Variants in ILDR1 observed in about 807,000 individuals in gnomAD.
ILDR1 encodes the protein immunoglobulin-like domain-containing receptor 1.
Under a neutral mutation model 62.4 loss-of-function variants are expected in ILDR1, and 56 were observed. The ratio of observed to expected loss-of-function variants is 0.90; its 90% CI spans 0.72 to 1.12. ILDR1 has a LOEUF of 1.12. ILDR1 is among the 50% of genes most tolerant of loss of function. The pLI, the probability that ILDR1 is intolerant of heterozygous loss-of-function variation, is 0.00. For missense variants in ILDR1, 736 were observed against 710.6 expected, an observed-to-expected ratio of 1.04 and a Z score of -0.41; for synonymous variants, 284 against 277.8, an observed-to-expected ratio of 1.02 and a Z score of -0.22.
At chr3:121,998,983 A>AC (rs11425254) in intron 5 of ILDR1, among the ~76,000 whole-genome samples, 76,639 of 151,896 alleles carry the variant, frequency 0.5, 19,891 homozygotes, top group East Asian at 0.78. Flanking sequence ...CATCTTTTAA[A>AC]AGAGATGACT....
At chr3:122,039,369 GAAAAAGATATTACACGTAGAGGA>G in the ILDR1 span, among the ~76,000 whole-genome samples, 1 of 151,786 alleles carries the variant, frequency 6.6e-6, no homozygotes, top group East Asian at 1.9e-4. Flanking sequence ...TAGCCAGAGA[GAAAAAGATATTACACGTAGAGGA>G]AAAAAGATAT....
At chr3:122,002,097 G>T (rs573712156) in intron 3 of ILDR1, among the ~76,000 whole-genome samples, 2 of 152,304 alleles carry the variant, frequency 1.3e-5, no homozygotes, top group South Asian at 4.1e-4. Context: ...CTATGAGTGT[G>T]CTAATGCACT....
chr3:122,040,766 A>G, the ILDR1 span, among the ~76,000 whole-genome samples: 1 of 151,580 alleles, frequency 6.6e-6, no homozygotes, highest in African/African-American at 2.4e-5. Context: ...TTAGCTCAAA[A>G]TGGGTCATAG....
chr3:122,004,871 C>T (rs1353368668), intron 3 of ILDR1, among the ~76,000 whole-genome samples: 2 of 151,994 alleles, frequency 1.3e-5, no homozygotes, highest in Admixed American at 1.3e-4. Context: ...CAGGAATAGC[C>T]GGAAGGAAAC....
chr3:122,043,202 G>T, the ILDR1 span, among the ~76,000 whole-genome samples: 12 of 144,426 alleles, frequency 8.3e-5, no homozygotes, highest in African/African-American at 2.1e-4. Context: ...TTTTTCTCAG[G>T]TTTGTCAAAG....
chr3:122,005,344 G>T lies in ILDR1; in HGVS notation c.279C>A (p.Asn93Lys). 6.2e-7 allele frequency: 1 copy of T among 1,614,128 alleles called. No homozygotes were observed. The highest frequency in any genetic ancestry group is 1.1e-5 in the South Asian group (1 of 91,082). ...CTATGCGAACTTCCCGCTGGTTGTCGTTGCAGTCATTGGATGGGTCCTGGC... is the reference window on the plus strand; with the variant it reads ...CTATGCGAACTTCCCGCTGGTTGTCTTTGCAGTCATTGGATGGGTCCTGGC... The part of the protein sequence containing the change: ...SLGQDPSNDC[N>K]DNQREVRIVA... Residue 93 changes from asparagine to lysine, a missense_variant, in exon 3 of 8, where the codon AAC (asparagine) becomes AAA (lysine). Coordinates refer to ENST00000344209, the MANE Select transcript of ILDR1 (RefSeq NM_001199799.2).
At chr3:122,049,514 C>A in the ILDR1 span, among the ~76,000 whole-genome samples, 1 of 152,094 alleles carries the variant, frequency 6.6e-6, no homozygotes, top group African/African-American at 2.4e-5. Context: ...TCTATTTCTC[C>A]CTTCAGTTCT....
At chr3:122,020,764 G>A (rs1487637503) in intron 1 of ILDR1, among the ~76,000 whole-genome samples, 2 of 152,206 alleles carry the variant, frequency 1.3e-5, no homozygotes, top group Admixed American at 6.5e-5. Flanking sequence ...ACAAATTGAG[G>A]TGAGGTTTAG....
intron 1 of ILDR1, among the ~76,000 whole-genome samples, chr3:122,015,209 T>A (rs748967184): frequency 6.6e-6 from 1 of 152,218 alleles, no homozygotes; most frequent in African/African-American, 2.4e-5. Flanking sequence ...AACAGACACA[T>A]GTATCCAAAT....
chr3:122,017,173 C>T (rs987687045), intron 1 of ILDR1, among the ~76,000 whole-genome samples: 15 of 152,246 alleles, frequency 9.9e-5, no homozygotes, highest in Admixed American at 3.9e-4. Flanking sequence ...CTCAGCCTCC[C>T]GAGTAGCTTG....
At chr3:122,024,147 G>T (rs972719335), upstream of ILDR1, among the ~76,000 whole-genome samples, 2 of 151,832 alleles carry the variant, frequency 1.3e-5, no homozygotes, top group East Asian at 1.9e-4. Flanking sequence ...TATGAAAAAA[G>T]GGCTCTATTA....
upstream of ILDR1, chr3:122,022,271 C>T (rs1409178164): frequency 6.4e-6 from 3 of 469,494 alleles, no homozygotes; most frequent in Non-Finnish European, 1.1e-5. Context: ...CTGCGGCGCT[C>T]CCCACGGCTC....
the ILDR1 span, among the ~76,000 whole-genome samples, chr3:122,054,800 C>A: frequency 1.3e-5 from 2 of 152,120 alleles, no homozygotes; most frequent in South Asian, 4.2e-4. Flanking sequence ...TATAATGCTG[C>A]CTTTTTTTCA....
chr3:122,008,504 C>A (rs150600718), intron 1 of ILDR1, among the ~76,000 whole-genome samples: 1 of 152,292 alleles, frequency 6.6e-6, no homozygotes, highest in Non-Finnish European at 1.5e-5. Context: ...TCACTGAACC[C>A]TATGCTAGGA....
chr3:121,990,950 C>T (rs996214729), intron 7 of ILDR1, among the ~76,000 whole-genome samples: 1 of 152,162 alleles, frequency 6.6e-6, no homozygotes, highest in African/African-American at 2.4e-5. Context: ...GCCTGTAATC[C>T]CAGCACTTTG....
chr3:122,026,546 G>A (rs556707699), upstream of ILDR1, among the ~76,000 whole-genome samples: 3 of 152,302 alleles, frequency 2.0e-5, no homozygotes, highest in East Asian at 1.9e-4. Flanking sequence ...GACACATTGC[G>A]CTAGAGAGTA....
chr3:122,010,416 A>G (rs1412694666), intron 1 of ILDR1, among the ~76,000 whole-genome samples: 1 of 152,130 alleles, frequency 6.6e-6, no homozygotes, highest in Admixed American at 6.5e-5. Context: ...TGAAAAAAAA[A>G]TATATATCAT....
At chr3:122,038,997 T>C in the ILDR1 span, among the ~76,000 whole-genome samples, 1 of 150,824 alleles carries the variant, frequency 6.6e-6, no homozygotes, top group South Asian at 2.1e-4. Context: ...TTTGAAAAAA[T>C]TTTAAAAAGA....
At chr3:122,024,021 C>G (rs1448048057), upstream of ILDR1, among the ~76,000 whole-genome samples, 1 of 151,996 alleles carries the variant, frequency 6.6e-6, no homozygotes, top group Non-Finnish European at 1.5e-5. Context: ...TACCTCCCCC[C>G]CATACCCCTC....
Sources: gnomAD v4.1 joint callset for allele counts (sites outside exome capture counted in the v4.1 genomes callset) on GRCh38, gnomAD v4.1.1 for gene constraint, MANE v1.5 for transcripts, NCBI Gene and HGNC (gene_info 2026-07-23, HGNC 2026-07-21) for gene names.